ESR2: variants seen among roughly 807,000 people sequenced by gnomAD.
ESR2 encodes the protein estrogen receptor 2, also known as estrogen receptor beta.
Under a neutral mutation model 49.6 loss-of-function variants are expected in ESR2, and 36 were observed. The observed-to-expected ratio is 0.73, with a 90% CI of 0.56 to 0.96. The LOEUF (loss-of-function observed/expected upper bound fraction) is 0.96. Among genes scored for constraint, ESR2 ranks in the 40% least tolerant of loss-of-function variants. ESR2 has a pLI of 0.00. For synonymous variants in ESR2, 320 were observed against 266.1 expected (o/e 1.20, Z -1.97); for missense variants, 714 against 693.0 (o/e 1.03, Z -0.34).
chr14:64,254,266 C>T (rs1567747141), intron 6 of ESR2, among the ~76,000 whole-genome samples: 1 of 152,088 alleles, frequency 6.6e-6, no homozygotes, highest in Non-Finnish European at 1.5e-5. Flanking sequence ...AGATTCCCTT[C>T]ACTTTGCAAA....
Position 64,233,020 on chromosome 14 carries a change from C to T in ESR2, c.*117G>A, listed in dbSNP as rs894807192. 2 of 1,476,084 alleles carry T rather than the reference C, an allele frequency of 1.4e-6. No individual in the cohort carries two copies. The highest frequency in any genetic ancestry group is 1.8e-6 in the Non-Finnish European group (2 of 1,113,678). 91.4% of individuals were successfully genotyped at this position (1,476,084 alleles called of 1,614,324 possible). ...AGGGAAGGATGGTACATGACCAAGC[C>T]TGCCATCACCAAATGAGGGACCACA... On this transcript the variant is annotated 3_prime_UTR_variant, in exon 9 of 9. Coordinates refer to ENST00000341099, the MANE Select transcript of ESR2 (RefSeq NM_001437.3).
chr14:64,309,853 G>A (rs1042123718), intron 1 of ESR2, among the ~76,000 whole-genome samples: 30 of 152,130 alleles, frequency 2.0e-4, no homozygotes, highest in African/African-American at 7.0e-4. Context: ...TTGGGAGGCT[G>A]AGGCGGGCGG....
chr14:64,260,674 C>G lies in ESR2; in HGVS notation c.727G>C (p.Gly243Arg), dbSNP rs1050115725. Residue 243 changes from glycine (G) to arginine (R), a missense_variant, in exon 5 of 9, where the codon GGC becomes CGC. Physicochemically the swap from Gly to Arg is moderately radical, Grantham distance 125. Coordinates refer to ENST00000341099, the MANE Select transcript of ESR2 (RefSeq NM_001437.3). ...TGGCCGCCACTTCTCTTGGCCTTGCCGGCACAGTGCAGCTGCTCGTCGGCA... is the reference window on the plus strand; with the variant it reads ...TGGCCGCCACTTCTCTTGGCCTTGCGGGCACAGTGCAGCTGCTCGTCGGCA... ...RSADEQLHCA[G>R]KAKRSGGHAP... 1.9e-6 allele frequency: 3 copies of G among 1,579,412 alleles called. No individual in the cohort carries two copies. Among genetic ancestry groups the G allele is most frequent in the Non-Finnish European group, 1.7e-6 (2 of 1,160,168 alleles).
intron 1 of ESR2, among the ~76,000 whole-genome samples, chr14:64,288,724 T>G (rs2076821691): frequency 6.7e-6 from 1 of 148,956 alleles, no homozygotes. Context: ...GGGTGGCTCA[T>G]GCCTGTAATC....
intron 1 of ESR2, among the ~76,000 whole-genome samples, chr14:64,334,980 CTG>C (rs760363639): frequency 4.6e-5 from 7 of 152,178 alleles, no homozygotes; most frequent in Non-Finnish European, 8.8e-5. Context: ...TACAGGAATA[CTG>C]TTTGTGTAGG....
intron 1 of ESR2, among the ~76,000 whole-genome samples, chr14:64,308,174 C>T (rs1190588975): frequency 6.6e-6 from 1 of 151,994 alleles, no homozygotes; most frequent in African/African-American, 2.4e-5. Flanking sequence ...GACACCCTGC[C>T]CAGCTAATTT....
intron 1 of ESR2, among the ~76,000 whole-genome samples, chr14:64,293,167 AC>A (rs1385769272): frequency 6.6e-6 from 1 of 152,012 alleles, no homozygotes; most frequent in Non-Finnish European, 1.5e-5. Context: ...TTTCATAGTC[AC>A]GTTACATTTG....
rs2098725170 is a variant in ESR2, at chr14:64,229,359, A to G, written c.*3778T>C. Among the ~76,000 whole-genome samples the G allele has an allele frequency of 6.6e-6, 1 of 152,094 alleles. No individual in the cohort carries two copies. The highest frequency in any genetic ancestry group is 2.4e-5 in the African/African-American group (1 of 41,406). ...AAGCAGAAGACTTGCGTGCCAGTCC[A>G]AGCTTTGCCATGAGTAGTTTTATGA... On this transcript the variant is annotated 3_prime_UTR_variant, in exon 9 of 9. Transcript: ENST00000341099.
intron 5 of ESR2, among the ~76,000 whole-genome samples, chr14:64,259,487 C>A (rs935960122): frequency 6.6e-6 from 1 of 152,186 alleles, no homozygotes. Flanking sequence ...ACAGGGGGAT[C>A]GTGGGGTGTT....
At chr14:64,227,248 C>T, downstream of ESR2, 1 of 446,508 alleles carries the variant, frequency 2.2e-6, no homozygotes, top group Non-Finnish European at 4.0e-6. Context: ...TAGATGAAGC[C>T]TCAGCTTTCT....
intron 6 of ESR2, among the ~76,000 whole-genome samples, chr14:64,250,419 A>G (rs1411741358): frequency 4.6e-5 from 7 of 152,224 alleles, no homozygotes; most frequent in African/African-American, 1.2e-4. Flanking sequence ...ATGTTTAAAT[A>G]TACTTTGGAA....
In ESR2 at chr14:64,249,675, C is replaced by T. The variant is rs1030555125; in HGVS notation, c.1096G>A (p.Glu366Lys). ...FAPDLVLDRDEGKCVEGILEI... is the reference protein window; with the variant it reads ...FAPDLVLDRDKGKCVEGILEI... ...AGAATTCCTTCTACGCATTTCCCCT[C>T]ATCCCTACAAAAGTTCGTTTGGAAA... The change falls in exon 7 of 9, where the codon GAG becomes AAG. Residue 366 changes from glutamate to lysine, a missense_variant. By Grantham distance (56) the Glu-to-Lys change is moderately conservative. Transcript: ENST00000341099. 5.0e-6 allele frequency: 8 copies of T among 1,610,128 alleles called. No homozygotes were observed. Among genetic ancestry groups the T allele is most frequent in the African/African-American group, 1.3e-5 (1 of 74,792 alleles).
intron 3 of ESR2, among the ~76,000 whole-genome samples, chr14:64,279,530 T>C (rs981181384): frequency 1.3e-5 from 2 of 152,246 alleles, no homozygotes; most frequent in South Asian, 2.1e-4. Context: ...AAGTCCACTG[T>C]AGCTGAATTC....
chr14:64,304,275 CAG>C lies in ESR2; in HGVS notation c.-90-21202_-90-21201del, dbSNP rs2077062855. On this transcript the variant is annotated intron_variant, in intron 1 of 8. Transcript: ENST00000358599. ...GTGAGCTATGACTGCCACTGCCCTG[CAG>C]CCTGGGCGACAGAGCAAGACTCTTT... is the stretch of plus-strand genomic sequence containing the variant. 3.3e-5 allele frequency among the ~76,000 whole-genome samples: 5 copies of C among 152,304 alleles called. No homozygotes were observed. The South Asian group carries it at 1.0e-3, about 32-fold the overall frequency.
chr14:64,240,337 A>G (rs978827739), intron 7 of ESR2, among the ~76,000 whole-genome samples: 11 of 152,238 alleles, frequency 7.2e-5, no homozygotes, highest in African/African-American at 2.7e-4. Context: ...AAACTCTGCT[A>G]TCCTAACATG....
rs942093033 is a variant in ESR2 at position 64,268,595 on chromosome 14, A to G, written c.652+200T>C. On this transcript the variant is annotated intron_variant, in intron 4 of 8. Transcript: ENST00000341099. Reference sequence around the variant, plus strand: ...TACCTGGGGCCAAAATCTGCCTCCCATAATCTGTTCCCATTCACCCCAGCT... The same window carrying G: ...TACCTGGGGCCAAAATCTGCCTCCCGTAATCTGTTCCCATTCACCCCAGCT... 8.5e-5 allele frequency among the ~76,000 whole-genome samples: 13 copies of G among 152,196 alleles called. No homozygotes were observed. In the East Asian group the frequency reaches 2.3e-3, roughly 27 times the overall value.
chr14:64,266,601 T>G (rs1310338446), intron 4 of ESR2, among the ~76,000 whole-genome samples: 3 of 152,250 alleles, frequency 2.0e-5, no homozygotes, highest in Non-Finnish European at 2.9e-5. Flanking sequence ...TTAAAACATT[T>G]ATTTGCAATC....
chr14:64,328,618 G>C (rs2077418246), intron 1 of ESR2, among the ~76,000 whole-genome samples: 1 of 152,166 alleles, frequency 6.6e-6, no homozygotes, highest in Non-Finnish European at 1.5e-5. Context: ...GAATACTTGA[G>C]GCTGAGTAAT....
chr14:64,268,798 A>G lies in ESR2; in HGVS notation c.649T>C (p.Cys217Arg), dbSNP rs762101051. ...AAGAAGGGAAGCAAGCACTCACCAC[A>G]CTTCACCATTCCCACTTCGTAACAC... ...RKCYEVGMVK[C>R]GSRRERCGYR... The change falls in exon 4 of 9, where the codon TGT (cysteine) becomes CGT (arginine). Residue 217 changes from cysteine to arginine, a missense_variant. Physicochemically the swap from Cys to Arg is radical, Grantham distance 180. Coordinates refer to ENST00000341099, the MANE Select transcript of ESR2 (RefSeq NM_001437.3). The G allele has an allele frequency of 4.4e-6, 7 of 1,600,612 alleles. No homozygotes were observed. The South Asian group carries it at 7.7e-5, about 18-fold the overall frequency.
Sources: allele counts gnomAD v4.1 joint callset (sites outside exome capture counted in the v4.1 genomes callset), GRCh38; gene constraint gnomAD v4.1.1; transcripts MANE v1.5; gene names NCBI Gene and HGNC (gene_info 2026-07-23, HGNC 2026-07-21).